The following CSF1R variants were observed in gnomAD, a reference collection of about 807,000 sequenced individuals.
CSF1R encodes the protein colony stimulating factor 1 receptor.
In CSF1R, 40 loss-of-function variants were observed where a neutral mutation model predicts 110.0. That is an observed-to-expected ratio of 0.36 (90% CI 0.28 to 0.47). The LOEUF (loss-of-function observed/expected upper bound fraction) is 0.47. CSF1R is among the 20% of genes least tolerant of loss of function. CSF1R has a pLI of 0.99. For synonymous variants in CSF1R, 523 were observed against 503.4 expected, an observed-to-expected ratio of 1.04 and a Z score of -0.52; for missense variants, 1,052 against 1,253.0, an observed-to-expected ratio of 0.84 and a Z score of 2.42.
intron 14 of CSF1R, among the ~76,000 whole-genome samples, chr5:150,057,804 G>A (rs1241658784): frequency 1.3e-5 from 2 of 152,300 alleles, no homozygotes; most frequent in South Asian, 2.1e-4. Flanking sequence ...GGGCAGCTCT[G>A]CCTGTGAGAA....
At chr5:150,062,957 TG>T (rs1351663346) in intron 10 of CSF1R, among the ~76,000 whole-genome samples, 2 of 151,608 alleles carry the variant, frequency 1.3e-5, no homozygotes, top group African/African-American at 2.4e-5. Flanking sequence ...TTGAGGGAAG[TG>T]GGGGGCAGAT....
At chr5:150,068,854 CTAGTTCTAGTGATGTTTTGGAGAACA>C (rs1757902748) in intron 9 of CSF1R, among the ~76,000 whole-genome samples, 2 of 152,242 alleles carry the variant, frequency 1.3e-5, no homozygotes, top group Admixed American at 1.3e-4. Context: ...ATCTATACTA[CTAGTTCTAGTGATGTTTTGGAGAACA>C]TAATTTCCAC....
At chr5:150,104,066 G>T (rs895352234) in intron 1 of CSF1R, among the ~76,000 whole-genome samples, 2 of 152,174 alleles carry the variant, frequency 1.3e-5, no homozygotes, top group Non-Finnish European at 2.9e-5. Flanking sequence ...CTCTCTAGCG[G>T]ATTCTCATGC....
rs1029040909 is a variant in CSF1R at position 150,053,514 on chromosome 5, G to A, written c.*555C>T. 5 of 238,384 alleles carry A rather than the reference G, an allele frequency of 2.1e-5. No individual in the cohort carries two copies. The highest frequency in any genetic ancestry group is 1.1e-4 in the African/African-American group (5 of 45,358). The allele number at this position is 238,384 out of a possible 1,614,324, so 14.8% of individuals were successfully genotyped here. A position where few individuals can be genotyped will look rare whatever the true frequency, so the allele number is the denominator to read the frequency against. On this transcript the variant is annotated 3_prime_UTR_variant, in exon 21 of 21. Coordinates refer to ENST00000675795, the MANE Select transcript of CSF1R (RefSeq NM_001288705.3). Reference sequence around the variant, plus strand: ...CAGCAGTACCAGTATGGGGGTGGGAGGGGTGAGGCTGTGGAGTGAAGGCGG... The same window carrying A: ...CAGCAGTACCAGTATGGGGGTGGGAAGGGTGAGGCTGTGGAGTGAAGGCGG...
intron 1 of CSF1R, among the ~76,000 whole-genome samples, chr5:150,102,581 G>A (rs749732312): frequency 2.0e-5 from 3 of 152,146 alleles, no homozygotes; most frequent in Admixed American, 6.5e-5. Context: ...CCAGGTTCAA[G>A]CGATTCTCCT....
chr5:150,071,315 T>C (rs1247298405), intron 6 of CSF1R, among the ~76,000 whole-genome samples: 1 of 152,224 alleles, frequency 6.6e-6, no homozygotes, highest in Non-Finnish European at 1.5e-5. Flanking sequence ...TTTTACAATT[T>C]GTCCATAATG....
At chr5:150,058,165 A>G (rs1481731219) in intron 14 of CSF1R, 1 of 454,868 alleles carries the variant, frequency 2.2e-6, no homozygotes, top group Non-Finnish European at 4.4e-6. Context: ...GCTGCAACTC[A>G]TGTGCAGATA....
chr5:150,055,938 G>T, intron 18 of CSF1R, 88 bp downstream of exon 18: 1 of 1,225,656 alleles, frequency 8.2e-7, no homozygotes, highest in Non-Finnish European at 1.2e-6. Context: ...CCCTCGCTGT[G>T]TCCTGGGCAC....
chr5:150,080,186 T>C lies in CSF1R; in HGVS notation c.458A>G (p.Asn153Ser), dbSNP rs901809745. The C allele has an allele frequency of 3.1e-6, 5 of 1,613,826 alleles. No homozygotes were observed. The highest frequency in any genetic ancestry group is 1.6e-4 in the Middle Eastern group (1 of 6,062). The change falls in exon 3 of 21, where the codon AAC becomes AGC. Residue 153 changes from asparagine (N) to serine (S), a missense_variant. Physicochemically the swap from Asn to Ser is conservative, Grantham distance 46. Transcript: ENST00000675795. ...GCCATGCCAGGGCGAGAAGGAGTAG[T>C]TGGTGTGGCGCATGAGGGGCCGGCC... The part of the protein sequence containing the change: ...VRGRPLMRHT[N>S]YSFSPWHGFT...
chr5:150,077,532 T>C, intron 4 of CSF1R, 97 bp from the exon 5 acceptor site: 1 of 1,331,906 alleles, frequency 7.5e-7, no homozygotes, highest in South Asian at 1.3e-5. Flanking sequence ...ACTATCTGCC[T>C]TTCCTCTGAG....
Position 150,053,963 on chromosome 5 carries a change from G to A in CSF1R, c.*106C>T. 1 of 1,183,276 alleles carries A rather than the reference G, an allele frequency of 8.5e-7. No homozygotes were observed. Among genetic ancestry groups the A allele is most frequent in the Non-Finnish European group, 1.2e-6 (1 of 824,342 alleles). The allele number at this position is 1,183,276 out of a possible 1,614,324, so 73.3% of individuals were successfully genotyped here. A position where few individuals can be genotyped will look rare whatever the true frequency, so the allele number is the denominator to read the frequency against. On this transcript the variant is annotated 3_prime_UTR_variant, in exon 21 of 21. Transcript: ENST00000675795. ...TTTCAGAGCTGGGCCGAGCTGTTGA[G>A]TGAAATGACCGAAGGCAGAGTTTGT...
intron 5 of CSF1R, among the ~76,000 whole-genome samples, chr5:150,074,817 T>C (rs1424932137): frequency 6.6e-6 from 1 of 150,554 alleles, no homozygotes; most frequent in Non-Finnish European, 1.5e-5. Flanking sequence ...ACTGTGCTCA[T>C]CCAGCCACCT....
chr5:150,087,890 C>A (rs1758907476), upstream of CSF1R, among the ~76,000 whole-genome samples: 1 of 152,042 alleles, frequency 6.6e-6, no homozygotes, highest in African/African-American at 2.4e-5. Context: ...CATGTGCCAC[C>A]ATTCCTAGCA....
chr5:150,090,035 A>C (rs1446675337), upstream of CSF1R, among the ~76,000 whole-genome samples: 1 of 152,168 alleles, frequency 6.6e-6, no homozygotes, highest in East Asian at 1.9e-4. Context: ...ACTCAAAATG[A>C]ATTAAAGACC....
intron 1 of CSF1R, among the ~76,000 whole-genome samples, chr5:150,100,753 T>C (rs1373405730): frequency 1.3e-5 from 2 of 152,106 alleles, no homozygotes; most frequent in Non-Finnish European, 2.9e-5. Context: ...TAGAAATGTG[T>C]GCACAAGTGT....
At chr5:150,113,072 T>C (rs776457456) in intron 1 of CSF1R, among the ~76,000 whole-genome samples, 2 of 152,160 alleles carry the variant, frequency 1.3e-5, no homozygotes. Context: ...AGCAACCCTA[T>C]TGCCCCTGGC....
intron 1 of CSF1R, among the ~76,000 whole-genome samples, chr5:150,101,107 C>A (rs1191710364): frequency 6.6e-6 from 1 of 152,084 alleles, no homozygotes; most frequent in African/African-American, 2.4e-5. Context: ...TTCTCCACCC[C>A]TTGAATCTGG....
intron 13 of CSF1R, 130 bp downstream of exon 13, chr5:150,060,732 T>C: frequency 1.6e-6 from 1 of 613,988 alleles, no homozygotes; most frequent in Non-Finnish European, 2.9e-6. Context: ...AGGGATGCTG[T>C]GACCGGGATC....
intron 19 of CSF1R, 46 bp from the exon 20 acceptor site, chr5:150,054,476 C>G: frequency 6.5e-7 from 1 of 1,527,192 alleles, no homozygotes; most frequent in Non-Finnish European, 8.9e-7. Flanking sequence ...CCCTAGGGTC[C>G]AGGGGCCATT....
Sources: gnomAD v4.1 joint callset for allele counts (sites outside exome capture counted in the v4.1 genomes callset) on GRCh38, gnomAD v4.1.1 for gene constraint, MANE v1.5 for transcripts, NCBI Gene and HGNC (gene_info 2026-07-23, HGNC 2026-07-21) for gene names.